The following TMEM212 variants were observed in gnomAD, a reference collection of about 807,000 sequenced individuals.
TMEM212 encodes transmembrane protein 212.
In TMEM212, 23 loss-of-function variants were observed where a neutral mutation model predicts 20.5. The observed-to-expected ratio is 1.12, with a 90% CI of 0.81 to 1.59. The LOEUF is 1.59. Among genes scored for constraint, TMEM212 ranks in the 40% most tolerant of loss-of-function variants. The pLI, the probability that TMEM212 is intolerant of heterozygous loss-of-function variation, is 0.00. For missense variants in TMEM212, 211 were observed against 215.0 expected (o/e 0.98, Z 0.12); for synonymous variants, 76 against 81.6 (o/e 0.93, Z 0.37).
At chr3:171,853,469 AG>A in intron 2 of TMEM212, 57 bp from the exon 3 acceptor site, 1 of 1,426,994 alleles carries the variant, frequency 7.0e-7, no homozygotes. Context: ...CATATTGCTA[AG>A]AAGCCTTTGA....
chr3:171,849,148 C>T (rs763627986), intron 1 of TMEM212, among the ~76,000 whole-genome samples: 12 of 152,068 alleles, frequency 7.9e-5, no homozygotes, highest in Non-Finnish European at 1.6e-4. Flanking sequence ...ACTTCCCCAC[C>T]TTTGCACATG....
rs115354943 is a variant in TMEM212, at chr3:171,849,564, A to C, written c.160-2418A>C. Among the ~76,000 whole-genome samples the C allele has an allele frequency of 6.9e-3, 1,049 of 152,344 alleles. 14 individuals are homozygous for C. The highest frequency in any genetic ancestry group is 0.024 in the African/African-American group (995 of 41,566). On this transcript the variant is annotated intron_variant, in intron 1 of 4. Transcript: ENST00000334567. The stretch of plus-strand genomic sequence containing the variant: ...TCAACATATATTAAACACTCACTCA[A>C]TACATGTTAACATTTATTATTACTT...
intron 1 of TMEM212, among the ~76,000 whole-genome samples, chr3:171,848,617 G>GAATAGAATAGAATAGAAT (rs1724894814): frequency 2.3e-5 from 1 of 44,200 alleles, no homozygotes; most frequent in Non-Finnish European, 4.0e-5. Context: ...TAGAACAGAG[G>GAATAGAATAGAATAGAAT]AGAACAGAGT....
rs138812054 is a variant in TMEM212, at chr3:171,857,226, T to TA, written c.*3+529dup. Among the ~76,000 whole-genome samples the TA allele has an allele frequency of 7.3e-3, 1,077 of 147,412 alleles. 14 individuals carry two copies. Among genetic ancestry groups the TA allele is most frequent in the African/African-American group, 0.024 (986 of 40,350 alleles). ...CATGATAAAATAAAAATGGTTTACATAAAAAAAAAACTCACACACATGGAA... is the reference window on the plus strand; with the variant it reads ...CATGATAAAATAAAAATGGTTTACATAAAAAAAAAAACTCACACACATGGAA... On this transcript the variant is annotated intron_variant, in intron 4 of 4. Transcript: ENST00000334567.
chr3:171,851,029 C>T (rs1369368603), intron 1 of TMEM212, among the ~76,000 whole-genome samples: 1 of 152,148 alleles, frequency 6.6e-6, no homozygotes, highest in Non-Finnish European at 1.5e-5. Context: ...TCCTCCTTAA[C>T]TTTGTTGATT....
chr3:171,854,793 A>G (rs1725073267), intron 3 of TMEM212, among the ~76,000 whole-genome samples: 1 of 152,226 alleles, frequency 6.6e-6, no homozygotes, highest in Admixed American at 6.5e-5. Flanking sequence ...ATAAAAACAG[A>G]CAATAGACCA....
At position 171,843,405 on chromosome 3, in the gene TMEM212, G is replaced by C. The variant is rs1468655516; in HGVS notation, c.22G>C (p.Ala8Pro). Residue 8 changes from alanine to proline, a missense_variant, in exon 1 of 5, where the codon GCT becomes CCT. Transcript: ENST00000334567. MKGLYQA[A>P]GRILVTLGIL... Reference sequence around the variant, plus strand: ...GAAAATGAAGGGCCTCTACCAGGCTGCTGGCCGGATTCTTGTTACTCTGGG... The same window carrying C: ...GAAAATGAAGGGCCTCTACCAGGCTCCTGGCCGGATTCTTGTTACTCTGGG... 2 of 1,536,280 alleles carry C rather than the reference G, an allele frequency of 1.3e-6. No individual in the cohort carries two copies. The highest frequency in any genetic ancestry group is 1.7e-6 in the Non-Finnish European group (2 of 1,146,494).
intron 1 of TMEM212, among the ~76,000 whole-genome samples, chr3:171,843,928 A>C (rs981205727): frequency 6.6e-6 from 1 of 152,238 alleles, no homozygotes; most frequent in Non-Finnish European, 1.5e-5. Flanking sequence ...AAGTAAAATA[A>C]TTTTCAAACT....
At position 171,853,670 on chromosome 3, in the gene TMEM212, A is replaced by C; in HGVS notation, c.363A>C (p.Ala121=). 6.5e-7 allele frequency: 1 copy of C among 1,537,478 alleles called. No individual in the cohort carries two copies. ...CAGGGACTAATTACCTTGGCTATGCAGTTACCTTTCCTTATCCATATGCAA... is the reference window on the plus strand; with the variant it reads ...CAGGGACTAATTACCTTGGCTATGCCGTTACCTTTCCTTATCCATATGCAA... The part of the protein sequence containing the change: ...GIAGTNYLGY[A]VTFPYPYAKF... The change falls in exon 3 of 5, where the codon GCA becomes GCC. Residue 121 remains alanine, a synonymous_variant. Coordinates refer to ENST00000334567, the MANE Select transcript of TMEM212 (RefSeq NM_001164436.2).
At chr3:171,844,852 T>C (rs1283858763) in intron 1 of TMEM212, among the ~76,000 whole-genome samples, 3 of 152,180 alleles carry the variant, frequency 2.0e-5, no homozygotes, top group African/African-American at 7.2e-5. Context: ...TATTTATGAA[T>C]AGCCCCCTAT....
At chr3:171,852,117 TA>T (rs1724990324) in intron 2 of TMEM212, 76 bp downstream of exon 2, 6 of 1,136,132 alleles carry the variant, frequency 5.3e-6, no homozygotes, top group Non-Finnish European at 1.3e-6. Flanking sequence ...GGATGGAACA[TA>T]AAAAATATGA....
intron 1 of TMEM212, among the ~76,000 whole-genome samples, chr3:171,847,879 G>A (rs969429574): frequency 2.6e-5 from 4 of 152,094 alleles, no homozygotes; most frequent in Non-Finnish European, 5.9e-5. Flanking sequence ...TCAGCAGCAG[G>A]GTTCTTGTGC....
intron 2 of TMEM212, among the ~76,000 whole-genome samples, chr3:171,852,615 A>C (rs1179936476): frequency 6.6e-6 from 1 of 152,230 alleles, no homozygotes; most frequent in Non-Finnish European, 1.5e-5. Context: ...CATTTTGAAG[A>C]AATGGATCTA....
At chr3:171,853,210 C>T (rs992848491) in intron 2 of TMEM212, among the ~76,000 whole-genome samples, 2 of 151,916 alleles carry the variant, frequency 1.3e-5, no homozygotes, top group Non-Finnish European at 2.9e-5. Flanking sequence ...CTAATGGGTG[C>T]TGGGCTTAAT....
chr3:171,854,742 A>G (rs965304353), intron 3 of TMEM212, among the ~76,000 whole-genome samples: 2 of 152,218 alleles, frequency 1.3e-5, no homozygotes, highest in African/African-American at 2.4e-5. Flanking sequence ...ATTTTAAACT[A>G]TATTACAAAG....
chr3:171,855,735 T>G (rs1274351431), intron 3 of TMEM212, among the ~76,000 whole-genome samples: 2 of 152,192 alleles, frequency 1.3e-5, no homozygotes, highest in African/African-American at 4.8e-5. Flanking sequence ...ATAATCTTAG[T>G]AATCTGTGAT....
chr3:171,853,777 T>C lies in TMEM212; in HGVS notation c.470T>C (p.Phe157Ser). 6.5e-7 allele frequency: 1 copy of C among 1,537,242 alleles called. No individual in the cohort carries two copies. The highest frequency in any genetic ancestry group is 2.0e-5 in the Admixed American group (1 of 50,964). ...CAAGCCCTAGACCTGTGCCTAAGCT[T>C]TACCCTACTCTGTACATCCTTGACA... ...TLQALDLCLS[F>S]TLLCTSLTVF... The change falls in exon 3 of 5, where the codon TTT (phenylalanine) becomes TCT (serine). Residue 157 changes from phenylalanine to serine, a missense_variant. Transcript: ENST00000334567.
At chr3:171,853,332 A>G (rs571452411) in intron 2 of TMEM212, among the ~76,000 whole-genome samples, 195 bp from the exon 3 acceptor site, 4 of 152,276 alleles carry the variant, frequency 2.6e-5, no homozygotes, top group African/African-American at 7.2e-5. Context: ...TGAAAAAAAA[A>G]AAAAGAAAAT....
In TMEM212 at chr3:171,858,369, A is replaced by G. The variant is rs1020907423; in HGVS notation, c.*312A>G. On this transcript the variant is annotated 3_prime_UTR_variant, in exon 5 of 5. Transcript: ENST00000334567. ...GGTGCTGGGAAAACTGGTTAGCCAT[A>G]TGTAGAAAGCTGAAACTGGATCCCT... 2.6e-5 allele frequency: 4 copies of G among 152,166 alleles called. No individual in the cohort carries two copies. Among genetic ancestry groups the G allele is most frequent in the Non-Finnish European group, 5.9e-5 (4 of 68,050 alleles). 9.4% of individuals were successfully genotyped at this position (152,166 alleles called of 1,614,324 possible).
Sources: allele counts gnomAD v4.1 joint callset (sites outside exome capture counted in the v4.1 genomes callset), GRCh38; gene constraint gnomAD v4.1.1; transcripts MANE v1.5; gene names NCBI Gene and HGNC (gene_info 2026-07-23, HGNC 2026-07-21).